The following DPP10 variants were observed in gnomAD, a reference collection of about 807,000 sequenced individuals.
DPP10 encodes the protein dipeptidyl peptidase like 10.
Under a neutral mutation model 120.9 loss-of-function variants are expected in DPP10, and 33 were observed. That is an observed-to-expected ratio of 0.27 (90% CI 0.21 to 0.37). The LOEUF (loss-of-function observed/expected upper bound fraction) is 0.37. Ranked by LOEUF, DPP10 falls within the 10% of genes least tolerant of loss-of-function variation. The pLI, the probability that DPP10 is intolerant of heterozygous loss-of-function variation, is 1.00. For synonymous variants in DPP10, 337 were observed against 326.1 expected, an observed-to-expected ratio of 1.03 and a Z score of -0.36; for missense variants, 816 against 942.8, an observed-to-expected ratio of 0.87 and a Z score of 1.76.
intron 1 of DPP10, among the ~76,000 whole-genome samples, chr2:114,878,645 A>AT (rs1223431768): frequency 1.1e-4 from 16 of 151,942 alleles, no homozygotes; most frequent in Non-Finnish European, 1.9e-4. Context: ...CATGAGATCC[A>AT]TTTTTTTAGT....
intron 1 of DPP10, among the ~76,000 whole-genome samples, chr2:115,172,521 C>T (rs796164453): frequency 5.3e-5 from 8 of 152,148 alleles, no homozygotes; most frequent in African/African-American, 1.9e-4. Context: ...ATTTTTCAGA[C>T]ACATGTAATT....
At chr2:115,279,654 T>C (rs1311204851) in intron 1 of DPP10, among the ~76,000 whole-genome samples, 6 of 114,568 alleles carry the variant, frequency 5.2e-5, no homozygotes, top group Admixed American at 5.1e-4. Context: ...TTTTTCTTCT[T>C]CTTTTTTTTT....
intron 5 of DPP10, among the ~76,000 whole-genome samples, chr2:115,644,431 C>T (rs967655269): frequency 4.6e-5 from 7 of 151,850 alleles, no homozygotes; most frequent in African/African-American, 1.5e-4. Context: ...TTTGTCCTTG[C>T]GATAGTTTGC....
chr2:115,236,967 A>G (rs568015393), intron 1 of DPP10, among the ~76,000 whole-genome samples: 4 of 152,334 alleles, frequency 2.6e-5, no homozygotes, highest in Non-Finnish European at 5.9e-5. Context: ...CTCAAAGATT[A>G]CAATGTTGAA....
intron 1 of DPP10, among the ~76,000 whole-genome samples, chr2:114,998,611 T>C (rs1327242360): frequency 6.6e-6 from 1 of 152,160 alleles, no homozygotes. Context: ...TTAATCAGTA[T>C]CTTGATCAAA....
intron 5 of DPP10, among the ~76,000 whole-genome samples, chr2:115,587,057 T>A (rs1407075354): frequency 6.6e-6 from 1 of 151,594 alleles, no homozygotes; most frequent in African/African-American, 2.4e-5. Context: ...TTGACCAACA[T>A]TGTCCTTTTT....
intron 1 of DPP10, among the ~76,000 whole-genome samples, chr2:115,054,654 T>C (rs1490624547): frequency 6.6e-6 from 1 of 152,228 alleles, no homozygotes; most frequent in African/African-American, 2.4e-5. Context: ...GGCTCATGCC[T>C]AGAATCCCAC....
intron 2 of DPP10, among the ~76,000 whole-genome samples, chr2:115,336,282 G>T (rs1256477229): frequency 6.6e-6 from 1 of 151,952 alleles, no homozygotes; most frequent in Non-Finnish European, 1.5e-5. Flanking sequence ...GCACAGAAAA[G>T]AACATGGCGT....
intron 7 of DPP10, among the ~76,000 whole-genome samples, chr2:115,717,761 A>G (rs1266974492): frequency 6.6e-6 from 1 of 152,198 alleles, no homozygotes. Context: ...AGCCACGTGA[A>G]TGGGCATGCA....
chr2:114,573,933 T>C (rs1689849554), intron 1 of DPP10, among the ~76,000 whole-genome samples: 2 of 152,152 alleles, frequency 1.3e-5, no homozygotes, highest in South Asian at 4.1e-4. Flanking sequence ...TCTCCACTTT[T>C]CCAAAGGATG....
At chr2:115,694,534 T>C (rs72950183) in intron 7 of DPP10, among the ~76,000 whole-genome samples, 1 of 152,220 alleles carries the variant, frequency 6.6e-6, no homozygotes, top group African/African-American at 2.4e-5. Flanking sequence ...CCTGAAGCAA[T>C]AAAGAGTGCA....
chr2:114,847,196 C>T (rs964328225), intron 1 of DPP10, among the ~76,000 whole-genome samples: 1 of 152,102 alleles, frequency 6.6e-6, no homozygotes, highest in African/African-American at 2.4e-5. Flanking sequence ...TCTTGCTGAG[C>T]TTTGCCTGAA....
rs1234043282 is a variant in DPP10, at chr2:115,309,149, G to C, written c.61-90G>C. On this transcript the variant is annotated intron_variant, in intron 1 of 25. Coordinates refer to ENST00000410059, the MANE Select transcript of DPP10 (RefSeq NM_020868.6). The stretch of plus-strand genomic sequence containing the variant: ...ATGGATTCTAATCAGCTTTCAAACT[G>C]TGATTGTGCCATGCACTGAATCATT... 7.3e-6 allele frequency: 7 copies of C among 958,350 alleles called. No homozygotes were observed. In the Admixed American group the frequency reaches 1.4e-4, roughly 19 times the overall value. 59.4% of individuals were successfully genotyped at this position (958,350 alleles called of 1,614,324 possible).
At chr2:115,599,298 T>C (rs899183873) in intron 5 of DPP10, among the ~76,000 whole-genome samples, 27 of 152,116 alleles carry the variant, frequency 1.8e-4, no homozygotes, top group African/African-American at 5.3e-4. Flanking sequence ...TGGGACTCAA[T>C]TACCTATATG....
intron 1 of DPP10, among the ~76,000 whole-genome samples, chr2:114,765,177 T>C (rs918825983): frequency 1.3e-5 from 2 of 152,186 alleles, no homozygotes. Flanking sequence ...CCATTATCAA[T>C]TTTTAAAAAT....
intron 5 of DPP10, among the ~76,000 whole-genome samples, chr2:115,668,365 G>C (rs180983541): frequency 1.3e-5 from 2 of 152,148 alleles, no homozygotes; most frequent in African/African-American, 4.8e-5. Context: ...CTTGATAAAA[G>C]CATGAATTTG....
At chr2:114,461,379 C>T (rs1431429067) in intron 1 of DPP10, among the ~76,000 whole-genome samples, 1 of 152,154 alleles carries the variant, frequency 6.6e-6, no homozygotes, top group Non-Finnish European at 1.5e-5. Context: ...AAGAGAGGCG[C>T]CAAGCCTGCA....
intron 1 of DPP10, among the ~76,000 whole-genome samples, chr2:114,627,301 C>T (rs187405486): frequency 3.9e-5 from 6 of 152,226 alleles, no homozygotes; most frequent in South Asian, 4.1e-4. Context: ...CCTCTGTGAC[C>T]AGATCCATTT....
At chr2:115,738,492 A>G (rs1382606989) in intron 8 of DPP10, among the ~76,000 whole-genome samples, 2 of 152,176 alleles carry the variant, frequency 1.3e-5, no homozygotes, top group Admixed American at 6.6e-5. Context: ...GCCACTCTCC[A>G]TATGACAATC....
Sources: gnomAD v4.1 joint callset for allele counts (sites outside exome capture counted in the v4.1 genomes callset) on GRCh38, gnomAD v4.1.1 for gene constraint, MANE v1.5 for transcripts, NCBI Gene and HGNC (gene_info 2026-07-23, HGNC 2026-07-21) for gene names.